The following MGMT variants were observed in gnomAD, a reference collection of about 807,000 sequenced individuals.
MGMT encodes the protein methylated-DNA--protein-cysteine methyltransferase.
MGMT carries 14 observed loss-of-function variants against 15.9 expected under a neutral mutation model. The ratio of observed to expected loss-of-function variants is 0.88; its 90% CI spans 0.58 to 1.37. The LOEUF (loss-of-function observed/expected upper bound fraction) is 1.37. MGMT is among the 40% of genes most tolerant of loss of function. The pLI is 0.00. For missense variants in MGMT, 282 were observed against 268.1 expected (o/e 1.05, Z -0.36); for synonymous variants, 130 against 118.2 (o/e 1.10, Z -0.65).
At chr10:129,617,365 A>G (rs938479341) in intron 2 of MGMT, among the ~76,000 whole-genome samples, 3 of 152,144 alleles carry the variant, frequency 2.0e-5, no homozygotes, top group Non-Finnish European at 4.4e-5. Context: ...TGTCTTTACT[A>G]TTATGAATAG....
intron 2 of MGMT, among the ~76,000 whole-genome samples, chr10:129,707,177 T>G (rs1450672014): frequency 6.6e-6 from 1 of 151,754 alleles, no homozygotes; most frequent in Non-Finnish European, 1.5e-5. Context: ...CTAGGGAAGA[T>G]GAGGCAGAAG....
At chr10:129,617,202 C>G (rs1381765434) in intron 2 of MGMT, among the ~76,000 whole-genome samples, 1 of 152,164 alleles carries the variant, frequency 6.6e-6, no homozygotes, top group Non-Finnish European at 1.5e-5. Flanking sequence ...TTAGCACCCA[C>G]CTCTAAGTGA....
At chr10:129,540,464 C>G (rs1347741492) in intron 2 of MGMT, among the ~76,000 whole-genome samples, 1 of 152,164 alleles carries the variant, frequency 6.6e-6, no homozygotes, top group African/African-American at 2.4e-5. Context: ...GGGGAGCTTG[C>G]AGGATTTCAC....
At chr10:129,698,463 T>A (rs1848058005) in intron 2 of MGMT, among the ~76,000 whole-genome samples, 3 of 152,230 alleles carry the variant, frequency 2.0e-5, no homozygotes, top group Admixed American at 6.5e-5. Flanking sequence ...TTGTTTAGAC[T>A]AATGGAATGA....
rs1330237533 is a variant in MGMT at position 129,769,773 on chromosome 10, C to T, written c.*2776C>T. On this transcript the variant is annotated 3_prime_UTR_variant, in exon 5 of 5. Coordinates refer to ENST00000651593, the MANE Select transcript of MGMT (RefSeq NM_002412.5). Reference sequence around the variant, plus strand: ...TGCATTCCACGTGTCCTGTGGCCGCCTCCAGTGGTGAGTCTGTGAGGCCAG... The same window carrying T: ...TGCATTCCACGTGTCCTGTGGCCGCTTCCAGTGGTGAGTCTGTGAGGCCAG... 6.6e-6 allele frequency among the ~76,000 whole-genome samples: 1 copy of T among 152,224 alleles called. No homozygotes were observed. The highest frequency in any genetic ancestry group is 1.5e-5 in the Non-Finnish European group (1 of 68,050).
intron 2 of MGMT, among the ~76,000 whole-genome samples, chr10:129,605,240 A>C (rs1310938539): frequency 1.3e-5 from 2 of 152,220 alleles, no homozygotes; most frequent in Non-Finnish European, 2.9e-5. Flanking sequence ...TTTTATTTTA[A>C]ATGCCATTTC....
At chr10:129,679,358 A>C (rs2133118779) in intron 2 of MGMT, among the ~76,000 whole-genome samples, 1 of 150,080 alleles carries the variant, frequency 6.7e-6, no homozygotes. Flanking sequence ...TCGCTGTGGG[A>C]CCCTGCGGGC....
intron 2 of MGMT, among the ~76,000 whole-genome samples, chr10:129,695,239 A>C (rs1848016908): frequency 1.3e-5 from 2 of 152,242 alleles, no homozygotes. Flanking sequence ...CAGGAAAAAC[A>C]AGGGCTTTCT....
chr10:129,596,943 G>A (rs1189189481), intron 2 of MGMT, among the ~76,000 whole-genome samples: 2 of 152,194 alleles, frequency 1.3e-5, no homozygotes, highest in South Asian at 4.1e-4. Flanking sequence ...AGGAGTGAGG[G>A]GGGTGGGGTG....
At chr10:129,553,806 C>T (rs941657889) in intron 2 of MGMT, among the ~76,000 whole-genome samples, 7 of 152,188 alleles carry the variant, frequency 4.6e-5, no homozygotes, top group African/African-American at 2.4e-5. Flanking sequence ...CTGCCCCAAA[C>T]GTGGCCTCCA....
chr10:129,661,213 C>CT (rs563790917), intron 2 of MGMT, among the ~76,000 whole-genome samples: 114 of 146,478 alleles, frequency 7.8e-4, no homozygotes, highest in African/African-American at 1.4e-3. Flanking sequence ...TTATTTCCAA[C>CT]TTTTTTTTTT....
At chr10:129,536,431 A>G in intron 2 of MGMT, 54 bp downstream of exon 2, 1 of 1,569,452 alleles carries the variant, frequency 6.4e-7, no homozygotes, top group Non-Finnish European at 8.6e-7. Context: ...GCAACCGAGG[A>G]GTATATGTGA....
intron 2 of MGMT, among the ~76,000 whole-genome samples, chr10:129,603,011 A>G (rs1206978121): frequency 1.3e-5 from 2 of 152,220 alleles, no homozygotes; most frequent in Non-Finnish European, 2.9e-5. Flanking sequence ...ATACGAACCT[A>G]TGTCACAGTC....
intron 2 of MGMT, among the ~76,000 whole-genome samples, chr10:129,669,976 A>G (rs1847703315): frequency 6.6e-6 from 1 of 152,194 alleles, no homozygotes; most frequent in African/African-American, 2.4e-5. Flanking sequence ...AAATTTTAAT[A>G]TCAAACCTGA....
chr10:129,716,063 G>A (rs1848292335), intron 3 of MGMT, among the ~76,000 whole-genome samples: 2 of 152,168 alleles, frequency 1.3e-5, no homozygotes, highest in Non-Finnish European at 2.9e-5. Flanking sequence ...AGGCTCAGCC[G>A]GAACGTCTCC....
At chr10:129,705,731 G>A (rs1848152711) in intron 2 of MGMT, among the ~76,000 whole-genome samples, 1 of 152,220 alleles carries the variant, frequency 6.6e-6, no homozygotes, top group Admixed American at 6.5e-5. Flanking sequence ...TGAAATGCCA[G>A]TTGTTTGCAG....
intron 1 of MGMT, among the ~76,000 whole-genome samples, chr10:129,505,337 G>T (rs1465995420): frequency 2.6e-5 from 4 of 152,164 alleles, no homozygotes; most frequent in Non-Finnish European, 5.9e-5. Context: ...GTATAATACA[G>T]GCTTTATGAT....
chr10:129,718,180 G>C (rs748186215), intron 3 of MGMT, among the ~76,000 whole-genome samples: 10 of 152,178 alleles, frequency 6.6e-5, no homozygotes, highest in Non-Finnish European at 1.3e-4. Flanking sequence ...TGATTTACAC[G>C]ACCAGAGCTA....
chr10:129,605,170 G>A (rs1846874248), intron 2 of MGMT, among the ~76,000 whole-genome samples: 1 of 152,136 alleles, frequency 6.6e-6, no homozygotes, highest in Non-Finnish European at 1.5e-5. Flanking sequence ...ACTGGCCATT[G>A]AAAGAAAGAA....
Sources: allele counts gnomAD v4.1 joint callset (sites outside exome capture counted in the v4.1 genomes callset), GRCh38; gene constraint gnomAD v4.1.1; transcripts MANE v1.5; gene names NCBI Gene and HGNC (gene_info 2026-07-23, HGNC 2026-07-21).